AGMO: variants seen among roughly 807,000 people sequenced by gnomAD.
The protein encoded by AGMO is glyceryl-ether monooxygenase.
Under a neutral mutation model 60.2 loss-of-function variants are expected in AGMO, and 75 were observed. The ratio of observed to expected loss-of-function variants is 1.25; its 90% CI spans 1.03 to 1.51. The LOEUF is 1.51. Ranked by LOEUF, AGMO falls within the 40% of genes most tolerant of loss-of-function variation. The pLI, the probability that AGMO is intolerant of heterozygous loss-of-function variation, is 0.00. For synonymous variants in AGMO, 261 were observed against 177.1 expected (o/e 1.47, Z -3.76); for missense variants, 763 against 525.5 (o/e 1.45, Z -4.42).
chr7:15,506,312 G>C (rs2128527884), intron 3 of AGMO, among the ~76,000 whole-genome samples: 1 of 151,992 alleles, frequency 6.6e-6, no homozygotes, highest in African/African-American at 2.4e-5. Flanking sequence ...TGAGGCAGAG[G>C]TAAGTTAAGA....
In AGMO at chr7:15,322,605, TATATATAA is replaced by T. The variant is rs1220747268; in HGVS notation, c.1263+42901_1263+42908del. ...ATATAAATATATAAATATATATAAA[TATATATAA>T]ATATATAAATATATATAAATATATA... is the stretch of plus-strand genomic sequence containing the variant. On this transcript the variant is annotated intron_variant, in intron 12 of 12. Transcript: ENST00000342526. Among the ~76,000 whole-genome samples, 240 of 40,482 alleles carry T rather than the reference TATATATAA, an allele frequency of 5.9e-3. 39 individuals carry two copies. Among genetic ancestry groups the T allele is most frequent in the African/African-American group, 0.03 (217 of 7,296 alleles). The allele number at this position is 40,482 out of a possible 152,430, so 26.6% of individuals were successfully genotyped here.
chr7:15,444,846 C>G (rs1781657685), intron 3 of AGMO, among the ~76,000 whole-genome samples: 2 of 152,142 alleles, frequency 1.3e-5, no homozygotes, highest in Admixed American at 6.6e-5. Flanking sequence ...AAATTATATG[C>G]ATATTATTCT....
At chr7:15,197,066 T>C (rs754841409), downstream of AGMO, among the ~76,000 whole-genome samples, 28 of 152,000 alleles carry the variant, frequency 1.8e-4, no homozygotes, top group Non-Finnish European at 3.1e-4. Context: ...GTTTTTTTTT[T>C]CCACTGAGGC....
At chr7:15,198,402 T>C (rs1277588237), downstream of AGMO, among the ~76,000 whole-genome samples, 1 of 152,090 alleles carries the variant, frequency 6.6e-6, no homozygotes, top group African/African-American at 2.4e-5. Flanking sequence ...GACTGGAAAA[T>C]TAGCAGGGTT....
At position 15,201,132 on chromosome 7, in the gene AGMO, T is replaced by A. The variant is rs1781267359; in HGVS notation, c.*153A>T. ...TTAATTTTTAATAGAAAATAACAAATGTGAAAGGCAAACAATAGTAAATAA... is the reference window on the plus strand; with the variant it reads ...TTAATTTTTAATAGAAAATAACAAAAGTGAAAGGCAAACAATAGTAAATAA... On this transcript the variant is annotated 3_prime_UTR_variant, in exon 13 of 13. Coordinates refer to ENST00000342526, the MANE Select transcript of AGMO (RefSeq NM_001004320.2). 1 of 480,956 alleles carries A rather than the reference T, an allele frequency of 2.1e-6. No individual in the cohort carries two copies. The allele number at this position is 480,956 out of a possible 1,614,324, so 29.8% of individuals were successfully genotyped here.
intron 3 of AGMO, among the ~76,000 whole-genome samples, chr7:15,476,233 G>A (rs190955749): frequency 3.0e-4 from 46 of 152,108 alleles, no homozygotes; most frequent in Non-Finnish European, 5.4e-4. Flanking sequence ...GAAACGGATT[G>A]TGGAAACCAA....
intron 2 of AGMO, among the ~76,000 whole-genome samples, chr7:15,545,957 C>A (rs961359406): frequency 2.0e-5 from 3 of 151,888 alleles, no homozygotes; most frequent in Admixed American, 6.6e-5. Flanking sequence ...TTCTGAGAAA[C>A]TTCTTAAATA....
the AGMO span, among the ~76,000 whole-genome samples, chr7:15,120,162 AG>A: frequency 6.6e-6 from 1 of 152,074 alleles, no homozygotes; most frequent in Admixed American, 6.6e-5. Flanking sequence ...AATTTTTTTT[AG>A]ATCTTTCATT....
chr7:15,395,135 T>C (rs865982073), intron 5 of AGMO, among the ~76,000 whole-genome samples: 4 of 152,232 alleles, frequency 2.6e-5, no homozygotes, highest in African/African-American at 9.6e-5. Flanking sequence ...ACTGATTTGT[T>C]AGAGCCTACC....
intron 6 of AGMO, 108 bp from the exon 7 acceptor site, chr7:15,391,013 G>A (rs943377952): frequency 4.1e-5 from 27 of 659,094 alleles, no homozygotes; most frequent in Middle Eastern, 4.3e-4. Flanking sequence ...ATTTAAACAG[G>A]GTACAATTTC....
the AGMO span, among the ~76,000 whole-genome samples, chr7:15,187,474 C>G: frequency 3.3e-5 from 5 of 152,308 alleles, no homozygotes; most frequent in East Asian, 9.6e-4. Flanking sequence ...GTATTTCACA[C>G]GTCCTTTCAT....
At chr7:15,478,326 A>G (rs1413741185) in intron 3 of AGMO, among the ~76,000 whole-genome samples, 1 of 152,166 alleles carries the variant, frequency 6.6e-6, no homozygotes, top group Non-Finnish European at 1.5e-5. Flanking sequence ...CTATGAAACT[A>G]AAGGCTAAAG....
chr7:15,496,550 C>A (rs75299389), intron 3 of AGMO, among the ~76,000 whole-genome samples: 13 of 149,104 alleles, frequency 8.7e-5, no homozygotes, highest in South Asian at 2.1e-4. Context: ...GCTGAGGAAT[C>A]AAAAAAAAAA....
rs142045384 is a variant in AGMO, at chr7:15,471,792, C to G, written c.410-40684G>C. Among the ~76,000 whole-genome samples the G allele has an allele frequency of 1.2e-3, 186 of 151,936 alleles. 2 individuals carry two copies. The East Asian group carries it at 0.032, about 26-fold the overall frequency. ...CTGCAATTTAAAATTTCCAAAACTT[C>G]CACAAGGTACAGCTCTTATGTAAAG... On this transcript the variant is annotated intron_variant, in intron 3 of 12. Coordinates refer to ENST00000342526, the MANE Select transcript of AGMO (RefSeq NM_001004320.2).
rs1035230234 is a variant in AGMO at position 15,394,177 on chromosome 7, G to T, written c.612C>A (p.Val204=). The stretch of plus-strand genomic sequence containing the variant: ...GTTCCAAAGGACCAAGGTTATTGAT[G>T]ACCTGTTTAAAACAGAAGGAATATT... The part of the protein sequence containing the change: ...LLYQFWIHTE[V]INNLGPLELI... Residue 204 remains valine, a splice_region_variant and synonymous_variant, in exon 6 of 13, where the codon GTC becomes GTA. Transcript: ENST00000342526. The T allele has an allele frequency of 6.2e-7, 1 of 1,601,612 alleles. No individual in the cohort carries two copies. The highest frequency in any genetic ancestry group is 8.6e-7 in the Non-Finnish European group (1 of 1,169,076).
intron 3 of AGMO, among the ~76,000 whole-genome samples, chr7:15,486,031 G>A (rs1004201542): frequency 7.2e-5 from 11 of 152,112 alleles, no homozygotes; most frequent in African/African-American, 2.7e-4. Context: ...CTGAGCTTCA[G>A]AACGATTAGA....
chr7:15,286,562 G>C (rs553623640), intron 12 of AGMO, among the ~76,000 whole-genome samples: 22 of 151,980 alleles, frequency 1.4e-4, no homozygotes, highest in Non-Finnish European at 2.6e-4. Context: ...TTATTATAAA[G>C]TCAAAAAAAG....
intron 3 of AGMO, among the ~76,000 whole-genome samples, chr7:15,450,146 C>T (rs913671107): frequency 1.3e-5 from 2 of 152,066 alleles, no homozygotes; most frequent in Non-Finnish European, 2.9e-5. Context: ...CAGGGCCGGG[C>T]GCGGTGGCTC....
intron 12 of AGMO, among the ~76,000 whole-genome samples, chr7:15,206,721 A>C (rs1253375457): frequency 6.6e-6 from 1 of 152,180 alleles, no homozygotes; most frequent in Non-Finnish European, 1.5e-5. Context: ...AATATCCTTC[A>C]ATCAATAAGT....
Sources: allele counts gnomAD v4.1 joint callset (sites outside exome capture counted in the v4.1 genomes callset), GRCh38; gene constraint gnomAD v4.1.1; transcripts MANE v1.5; gene names NCBI Gene and HGNC (gene_info 2026-07-23, HGNC 2026-07-21).